CD72: variants seen among roughly 807,000 people sequenced by gnomAD.
CD72 encodes the protein CD72 molecule.
In CD72, 28 loss-of-function variants were observed where a neutral mutation model predicts 50.7. That is an observed-to-expected ratio of 0.55 (90% CI 0.41 to 0.76). The LOEUF (loss-of-function observed/expected upper bound fraction) is 0.76, where lower values mean the gene tolerates loss of function less well. CD72 is among the 30% of genes least tolerant of loss of function. The pLI is 0.00. For missense variants in CD72, 403 were observed against 420.6 expected, an observed-to-expected ratio of 0.96 and a Z score of 0.37; for synonymous variants, 176 against 171.2, an observed-to-expected ratio of 1.03 and a Z score of -0.22.
upstream of CD72, chr9:35,618,637 G>A (rs1823106264): frequency 3.2e-6 from 2 of 618,156 alleles, no homozygotes; most frequent in Admixed American, 5.7e-5. Context: ...GGCCATGCTG[G>A]GCCCCAAACT....
upstream of CD72, chr9:35,618,904 A>T: frequency 2.1e-6 from 1 of 476,848 alleles, no homozygotes; most frequent in Non-Finnish European, 3.6e-6. Flanking sequence ...CCATGGCTGC[A>T]GCACCTCTGG....
chr9:35,636,375 G>C (rs1262345268), intron 1 of CD72, among the ~76,000 whole-genome samples: 2 of 152,064 alleles, frequency 1.3e-5, no homozygotes, highest in Non-Finnish European at 2.9e-5. Context: ...GAGGTCACAA[G>C]ACCGAAGAGG....
At chr9:35,624,964 G>A (rs778848579) in intron 1 of CD72, among the ~76,000 whole-genome samples, 9 of 152,046 alleles carry the variant, frequency 5.9e-5, no homozygotes, top group Non-Finnish European at 1.3e-4. Context: ...TCCCTGTCTT[G>A]CTCCCTCTCC....
At chr9:35,615,562 G>A (rs778224513) in intron 5 of CD72, among the ~76,000 whole-genome samples, 12 of 151,888 alleles carry the variant, frequency 7.9e-5, no homozygotes, top group Admixed American at 6.6e-4. Flanking sequence ...CAGCTATAAC[G>A]AAAATTAATT....
intron 2 of CD72, 70 bp downstream of exon 2, chr9:35,617,944 A>T (rs1247218913): frequency 1.1e-6 from 1 of 941,048 alleles, no homozygotes; most frequent in Non-Finnish European, 1.8e-6. Flanking sequence ...AACAACAACA[A>T]AAACATTGTG....
At chr9:35,610,333 T>C (rs773151163) in intron 8 of CD72, 33 bp from the exon 9 acceptor site, 30 of 331,216 alleles carry the variant, frequency 9.1e-5, no homozygotes, top group Non-Finnish European at 9.4e-5. Flanking sequence ...AGCTCCATGG[T>C]TGACTTAACT....
At chr9:35,614,230 T>C (rs1433727633) in intron 5 of CD72, among the ~76,000 whole-genome samples, 4 of 152,246 alleles carry the variant, frequency 2.6e-5, no homozygotes, top group African/African-American at 9.6e-5. Context: ...GAACATATTA[T>C]ATGTTATGTA....
intron 1 of CD72, among the ~76,000 whole-genome samples, chr9:35,628,601 C>A (rs1469727985): frequency 6.6e-6 from 1 of 152,256 alleles, no homozygotes; most frequent in Non-Finnish European, 1.5e-5. Context: ...TGCACATAAG[C>A]CCAGAGGCTA....
intron 1 of CD72, among the ~76,000 whole-genome samples, chr9:35,625,143 T>C (rs532634719): frequency 7.2e-4 from 109 of 152,358 alleles, no homozygotes; most frequent in South Asian, 3.1e-3. Flanking sequence ...AAAGCCAAGA[T>C]AGGCCAAAAG....
rs1432859724 is a variant in CD72 at position 35,618,109 on chromosome 9, T to C, written c.95A>G (p.Asp32Gly). The C allele has an allele frequency of 6.2e-7, 1 of 1,613,726 alleles. No individual in the cohort carries two copies. The highest frequency in any genetic ancestry group is 1.7e-5 in the Admixed American group (1 of 60,026). Residue 32 changes from aspartate (D) to glycine (G), a missense_variant, in exon 2 of 9, where the codon GAT (aspartate) becomes GGT (glycine). Transcript: ENST00000259633. ...SSRLGQDPGA[D>G]DDGEITYENV... ...CTCGTAGGTGATTTCCCCATCATCA[T>C]CAGCCCCTGGGTCTAGAGAGAAGAG...
chr9:35,645,445 G>C (rs1823382670), intron 1 of CD72, among the ~76,000 whole-genome samples: 1 of 151,972 alleles, frequency 6.6e-6, no homozygotes, highest in African/African-American at 2.4e-5. Flanking sequence ...AGCAGGGCAT[G>C]GTGGTGCACA....
At position 35,616,050 on chromosome 9, in the gene CD72, TTCTG is replaced by T; in HGVS notation, c.577_580del (p.Gln193ArgfsTer20). 6.2e-7 allele frequency: 1 copy of T among 1,614,172 alleles called. No homozygotes were observed. The highest frequency in any genetic ancestry group is 8.5e-7 in the Non-Finnish European group (1 of 1,180,036). ...CTCACTTTGCAAGGTCTCCTTCGTC[TTCTG>T]TCTGTCTGCCTGGCAGGCCTGTAGC... On this transcript the variant is annotated frameshift_variant, in exon 5 of 9. Coordinates refer to ENST00000259633, the MANE Select transcript of CD72 (RefSeq NM_001782.3). LOFTEE classifies it high-confidence loss of function.
rs143078398 is a variant in CD72, at chr9:35,634,455, C to T, written n.408+11948G>A. 4.6e-5 allele frequency among the ~76,000 whole-genome samples: 7 copies of T among 152,264 alleles called. No individual in the cohort carries two copies. In the East Asian group the frequency reaches 9.7e-4, roughly 21 times the overall value. ...GCAACTTCCACCTCCTGGGTTCAAGCGATTCTCCTGCCTCAGCCTCCCAAG... is the reference window on the plus strand; with the variant it reads ...GCAACTTCCACCTCCTGGGTTCAAGTGATTCTCCTGCCTCAGCCTCCCAAG... On this transcript the variant is annotated intron_variant and non_coding_transcript_variant, in intron 1 of 3. Transcript: ENST00000465754.
chr9:35,637,386 G>A (rs972847808), intron 1 of CD72, among the ~76,000 whole-genome samples: 3 of 152,156 alleles, frequency 2.0e-5, no homozygotes, highest in African/African-American at 4.8e-5. Flanking sequence ...TTCGGGAGGC[G>A]GGTCCCCTGT....
chr9:35,622,792 AAAT>A (rs768466813), upstream of CD72, among the ~76,000 whole-genome samples: 34 of 150,798 alleles, frequency 2.3e-4, no homozygotes, highest in African/African-American at 6.4e-4. Flanking sequence ...GTCTCAAAAA[AAAT>A]AATAATAATA....
chr9:35,611,287 C>A (rs1822980086), intron 7 of CD72, among the ~76,000 whole-genome samples: 1 of 151,916 alleles, frequency 6.6e-6, no homozygotes, highest in Non-Finnish European at 1.5e-5. Context: ...AATTGAGGAA[C>A]ATAAGGAGGT....
At chr9:35,610,991 C>T (rs1822972554) in intron 7 of CD72, among the ~76,000 whole-genome samples, 1 of 152,038 alleles carries the variant, frequency 6.6e-6, no homozygotes, top group Admixed American at 6.5e-5. Context: ...GTGGCTCATG[C>T]CTGCAATCCC....
chr9:35,610,979 C>T (rs1215531220), intron 7 of CD72, among the ~76,000 whole-genome samples: 4 of 152,210 alleles, frequency 2.6e-5, no homozygotes, highest in South Asian at 4.1e-4. Context: ...AGGCTGGGCA[C>T]GGTGGCTCAT....
In CD72 at chr9:35,612,968, T is replaced by C; in HGVS notation, c.714A>G (p.Ile238Met). The stretch of plus-strand genomic sequence containing the variant: ...TGTAAAAGCAGCTTTTCTGATGCAT[T>C]ATCCATCCCGACGGACAGCAGGTGT... ...SADTCCPSGW[I>M]MHQKSCFYIS... Residue 238 changes from isoleucine (I) to methionine (M), a missense_variant, in exon 6 of 9, where the codon ATA (isoleucine) becomes ATG (methionine). Coordinates refer to ENST00000259633, the MANE Select transcript of CD72 (RefSeq NM_001782.3). 1 of 1,613,342 alleles carries C rather than the reference T, an allele frequency of 6.2e-7. No homozygotes were observed. The highest frequency in any genetic ancestry group is 8.5e-7 in the Non-Finnish European group (1 of 1,179,408).
Sources: gnomAD v4.1 joint callset for allele counts (sites outside exome capture counted in the v4.1 genomes callset) on GRCh38, gnomAD v4.1.1 for gene constraint, MANE v1.5 for transcripts, NCBI Gene and HGNC (gene_info 2026-07-23, HGNC 2026-07-21) for gene names.